Variants in GRIN2D observed in about 807,000 individuals in gnomAD.
The protein encoded by GRIN2D is glutamate receptor ionotropic, NMDA 2D.
In GRIN2D, 37 loss-of-function variants were observed where a neutral mutation model predicts 103.2. The ratio of observed to expected loss-of-function variants is 0.36; its 90% CI spans 0.28 to 0.47. The LOEUF (loss-of-function observed/expected upper bound fraction) is 0.47. Among genes scored for constraint, GRIN2D ranks in the 20% least tolerant of loss-of-function variants. GRIN2D has a pLI of 1.00. For missense variants in GRIN2D, 1,557 were observed against 1,910.6 expected, an observed-to-expected ratio of 0.81 and a Z score of 3.45; for synonymous variants, 845 against 885.6, an observed-to-expected ratio of 0.95 and a Z score of 0.81.
At chr19:48,433,458 C>T (rs1257665705) in intron 11 of GRIN2D, among the ~76,000 whole-genome samples, 2 of 152,342 alleles carry the variant, frequency 1.3e-5, no homozygotes, top group East Asian at 3.9e-4. Flanking sequence ...GAGGACAGCA[C>T]TAGAAAATTC....
chr19:48,441,381 A>AG (rs1288525121), intron 11 of GRIN2D, among the ~76,000 whole-genome samples: 1 of 150,296 alleles, frequency 6.7e-6, no homozygotes. Context: ...AAAAAAAAAA[A>AG]AAAAGAAAGA....
At chr19:48,411,044 C>T (rs1242802848) in intron 4 of GRIN2D, among the ~76,000 whole-genome samples, 1 of 152,104 alleles carries the variant, frequency 6.6e-6, no homozygotes, top group African/African-American at 2.4e-5. Context: ...GTCTTTAAGA[C>T]ACATGGAGTT....
At chr19:48,395,823 C>T (rs1009714922) in intron 2 of GRIN2D, among the ~76,000 whole-genome samples, 9 of 152,088 alleles carry the variant, frequency 5.9e-5, no homozygotes, top group Non-Finnish European at 1.3e-4. Flanking sequence ...AACCCGGACT[C>T]CTGGGTCCTT....
At chr19:48,434,248 C>T (rs528580965) in intron 11 of GRIN2D, among the ~76,000 whole-genome samples, 7 of 151,854 alleles carry the variant, frequency 4.6e-5, no homozygotes, top group African/African-American at 9.7e-5. Flanking sequence ...CCGCGCCTGG[C>T]GGCCGCTTCT....
At position 48,437,631 on chromosome 19, in the gene GRIN2D, G is replaced by A. The variant is rs560319117; in HGVS notation, c.2253-4138G>A. 5.9e-5 allele frequency among the ~76,000 whole-genome samples: 9 copies of A among 152,050 alleles called. No individual in the cohort carries two copies. In the East Asian group the frequency reaches 1.4e-3, roughly 23 times the overall value. On this transcript the variant is annotated intron_variant, in intron 11 of 13. Coordinates refer to ENST00000263269, the MANE Select transcript of GRIN2D (RefSeq NM_000836.4). ...AACTTGAGTCTCTCCTTCCACTCCC[G>A]CTTGTCCTCTGAGGACCCCTGGAGA...
rs770358301 is a variant in GRIN2D at position 48,443,653 on chromosome 19, C to CCCGCCG, written c.3735_3740dup (p.Ala1246_Ala1247dup). ...CCGCCCGCGGGCCTCGCACCGCACG[C>CCCGCCG]CCGCCGCCGCCGCGCCCCACCACCA... On this transcript the variant is annotated inframe_insertion, in exon 14 of 14. Transcript: ENST00000263269. The surrounding 1 kb of genome is among the most constrained non-coding windows in gnomAD (Gnocchi z 8.9). 1 of 1,123,030 alleles carries CCCGCCG rather than the reference C, an allele frequency of 8.9e-7. No homozygotes were observed. The highest frequency in any genetic ancestry group is 4.7e-5 in the Admixed American group (1 of 21,212). The allele number at this position is 1,123,030 out of a possible 1,614,324, so 69.6% of individuals were successfully genotyped here.
chr19:48,444,103 C>G lies in GRIN2D; in HGVS notation c.*166C>G. The G allele has an allele frequency of 2.2e-6, 1 of 453,114 alleles. No homozygotes were observed. The highest frequency in any genetic ancestry group is 3.8e-6 in the Non-Finnish European group (1 of 262,388). 28.1% of individuals were successfully genotyped at this position (453,114 alleles called of 1,614,324 possible). A position where few individuals can be genotyped will look rare whatever the true frequency, so the allele number is the denominator to read the frequency against. ...CCCCTGGTTCTGGAGGAACCGCAAGCCGGAGAGGATTTGGTCCCTCAACTA... is the reference window on the plus strand; with the variant it reads ...CCCCTGGTTCTGGAGGAACCGCAAGGCGGAGAGGATTTGGTCCCTCAACTA... On this transcript the variant is annotated 3_prime_UTR_variant, in exon 14 of 14. Coordinates refer to ENST00000263269, the MANE Select transcript of GRIN2D (RefSeq NM_000836.4). This position sits in a 1 kb window ranked among gnomAD's most constrained non-coding sequence, Gnocchi z 5.5.
chr19:48,441,646 C>T, intron 11 of GRIN2D, 123 bp from the exon 12 acceptor site: 1 of 703,820 alleles, frequency 1.4e-6, no homozygotes, highest in Non-Finnish European at 2.4e-6. Flanking sequence ...CAATGATTTG[C>T]TCAAGAGCTC....
chr19:48,429,835 G>A (rs566537809), intron 11 of GRIN2D, among the ~76,000 whole-genome samples: 228 of 151,600 alleles, frequency 1.5e-3, no homozygotes, highest in Non-Finnish European at 1.7e-3. Context: ...CCAGGATTAC[G>A]GGCACGAGCC....
chr19:48,412,449 G>GAAAGAA (rs1555892659), intron 4 of GRIN2D, among the ~76,000 whole-genome samples: 2 of 149,262 alleles, frequency 1.3e-5, no homozygotes, highest in African/African-American at 2.5e-5. Flanking sequence ...AAGAAAGAAA[G>GAAAGAA]AAAGAAAGAA....
rs369036985 is a variant in GRIN2D, at chr19:48,405,335, G to A, written c.1067G>A (p.Arg356His). The A allele has an allele frequency of 6.3e-7, 1 of 1,589,138 alleles. No homozygotes were observed. The highest frequency in any genetic ancestry group is 1.3e-5 in the African/African-American group (1 of 74,462). Reference protein sequence around the residue: ...HDCRAQNRTHRGESLHRYFMN... With the variant: ...HDCRAQNRTHHGESLHRYFMN... ...TGTCGCGCCCAGAACCGCACCCACC[G>A]CGGCGAGAGTCTGCATAGGTGAGTG... The change falls in exon 4 of 14, where the codon CGC becomes CAC. Residue 356 changes from arginine to histidine, a missense_variant. Coordinates refer to ENST00000263269, the MANE Select transcript of GRIN2D (RefSeq NM_000836.4). This position sits in a 1 kb window ranked among gnomAD's most constrained non-coding sequence, Gnocchi z 5.1.
Position 48,393,999 on chromosome 19 carries a change from G to A in GRIN2D, c.-306+131G>A, listed in dbSNP as rs995636866. On this transcript the variant is annotated intron_variant, in intron 1 of 13. Transcript: ENST00000263269. This position sits in a 1 kb window ranked among gnomAD's most constrained non-coding sequence, Gnocchi z 5.6. The stretch of plus-strand genomic sequence containing the variant: ...ACCCTGAGCTGCCTGCCTGGGTGTC[G>A]TGGGGCTCCCGCTCCTTCCCCCCGG... Among the ~76,000 whole-genome samples, 2 of 152,212 alleles carry A rather than the reference G, an allele frequency of 1.3e-5. No homozygotes were observed. Among genetic ancestry groups the A allele is most frequent in the Admixed American group, 6.5e-5 (1 of 15,288 alleles).
chr19:48,442,673 C>T lies in GRIN2D; in HGVS notation c.2747C>T (p.Pro916Leu). ...CCCCCGCCGCCGCCACAGCCCCTGC[C>T]CAGCCCCGCGTACCCCGCGCCGCGG... ...AKPPPPPQPL[P>L]SPAYPAPRPA... The change falls in exon 14 of 14, where the codon CCC becomes CTC. Residue 916 changes from proline to leucine, a missense_variant. Physicochemically the swap from Pro to Leu is moderately conservative, Grantham distance 98. Transcript: ENST00000263269. The surrounding 1 kb of genome is among the most constrained non-coding windows in gnomAD (Gnocchi z 7.2). 1 of 1,338,610 alleles carries T rather than the reference C, an allele frequency of 7.5e-7. No individual in the cohort carries two copies. The highest frequency in any genetic ancestry group is 9.6e-7 in the Non-Finnish European group (1 of 1,045,716). 82.9% of individuals were successfully genotyped at this position (1,338,610 alleles called of 1,614,324 possible). A position where few individuals can be genotyped will look rare whatever the true frequency, so the allele number is the denominator to read the frequency against.
intron 4 of GRIN2D, among the ~76,000 whole-genome samples, chr19:48,410,527 CAAA>C (rs4009666): frequency 4.4e-5 from 2 of 45,422 alleles, no homozygotes; most frequent in East Asian, 7.7e-4. Flanking sequence ...GACTCTGACT[CAAA>C]AAAAAAAAAA....
At chr19:48,431,754 T>G (rs1971158558) in intron 11 of GRIN2D, among the ~76,000 whole-genome samples, 1 of 151,878 alleles carries the variant, frequency 6.6e-6, no homozygotes, top group Non-Finnish European at 1.5e-5. Context: ...CCAGCTAATT[T>G]CTTTGTATTT....
intron 11 of GRIN2D, 59 bp from the exon 12 acceptor site, chr19:48,441,710 C>T: frequency 6.9e-7 from 1 of 1,441,648 alleles, no homozygotes; most frequent in Non-Finnish European, 9.5e-7. Context: ...AGGTTCCAGG[C>T]CTGGCGGCCA....
chr19:48,414,528 C>A lies in GRIN2D; in HGVS notation c.1356C>A (p.Ser452Arg). 1.9e-6 allele frequency: 3 copies of A among 1,561,382 alleles called. No homozygotes were observed. Among genetic ancestry groups the A allele is most frequent in the Non-Finnish European group, 2.6e-6 (3 of 1,153,116 alleles). Reference protein sequence around the residue: ...FVIVEPADPISGTCIRDSVPC... With the variant: ...FVIVEPADPIRGTCIRDSVPC... Reference sequence around the variant, plus strand: ...TCGTGGAGCCTGCAGACCCTATCAGCGGCACCTGCATCCGAGACTCCGTCC... The same window carrying A: ...TCGTGGAGCCTGCAGACCCTATCAGAGGCACCTGCATCCGAGACTCCGTCC... The change falls in exon 6 of 14, where the codon AGC becomes AGA. Residue 452 changes from serine to arginine, a missense_variant. Ser to Arg is a moderately radical substitution (Grantham distance 110). This residue lies in a region of GRIN2D where 197 missense variants were observed against 334.1 expected (regional missense o/e 0.59). Coordinates refer to ENST00000263269, the MANE Select transcript of GRIN2D (RefSeq NM_000836.4). This position sits in a 1 kb window ranked among gnomAD's most constrained non-coding sequence, Gnocchi z 4.6.
chr19:48,434,677 T>G (rs1971207072), intron 11 of GRIN2D, among the ~76,000 whole-genome samples: 1 of 152,018 alleles, frequency 6.6e-6, no homozygotes, highest in Non-Finnish European at 1.5e-5. Context: ...CAAGCAATCC[T>G]CCCACCTTGG....
Position 48,443,719 on chromosome 19 carries a change from C to T in GRIN2D, c.3793C>T (p.Pro1265Ser), listed in dbSNP as rs1408171261. 6.8e-6 allele frequency: 9 copies of T among 1,324,608 alleles called. No individual in the cohort carries two copies. Among genetic ancestry groups the T allele is most frequent in the Non-Finnish European group, 8.7e-6 (9 of 1,039,542 alleles). The allele number at this position is 1,324,608 out of a possible 1,614,324, so 82.1% of individuals were successfully genotyped here. Reference sequence around the variant, plus strand: ...CGCTGGGGGCTGGGACCTCCCGCCGCCCGCGCCCACCTCGCGCTCGCTCGA... The same window carrying T: ...CGCTGGGGGCTGGGACCTCCCGCCGTCCGCGCCCACCTCGCGCTCGCTCGA... ...RAAGGWDLPP[P>S]APTSRSLEDL... Residue 1265 changes from proline to serine, a missense_variant, in exon 14 of 14, where the codon CCC becomes TCC. By Grantham distance (74) the Pro-to-Ser change is moderately conservative. Coordinates refer to ENST00000263269, the MANE Select transcript of GRIN2D (RefSeq NM_000836.4). This position sits in a 1 kb window ranked among gnomAD's most constrained non-coding sequence, Gnocchi z 8.9.
Sources: allele counts gnomAD v4.1 joint callset (sites outside exome capture counted in the v4.1 genomes callset), GRCh38; gene constraint gnomAD v4.1.1; regional missense constraint gnomAD v4.1.1; non-coding constraint Gnocchi (gnomAD v3.1); transcripts MANE v1.5; gene names NCBI Gene and HGNC (gene_info 2026-07-23, HGNC 2026-07-21).